Variants in EPN2 observed in about 807,000 individuals in gnomAD.
EPN2 encodes the protein epsin-2.
A neutral mutation model predicts 61.7 loss-of-function variants in EPN2; 34 were observed. That is an observed-to-expected ratio of 0.55 (90% CI 0.42 to 0.73). The LOEUF is 0.73. Among genes scored for constraint, EPN2 ranks in the 30% least tolerant of loss-of-function variants. The pLI, the probability that EPN2 is intolerant of heterozygous loss-of-function variation, is 0.00. For synonymous variants in EPN2, 349 were observed against 353.6 expected (o/e 0.99, Z 0.15); for missense variants, 714 against 839.2 (o/e 0.85, Z 1.84).
intron 1 of EPN2, among the ~76,000 whole-genome samples, chr17:19,240,197 G>A (rs1027872): frequency 0.034 from 5,107 of 152,180 alleles, 347 homozygotes; most frequent in South Asian, 0.19. Context: ...TTTATGACAT[G>A]TATACCTGGT....
At position 19,329,571 on chromosome 17, in the gene EPN2, G is replaced by A. The variant is rs1208419661; in HGVS notation, c.1335G>A (p.Glu445=). Residue 445 remains glutamate, a synonymous_variant, in exon 9 of 11, where the codon GAG becomes GAA. Transcript: ENST00000314728. ...TKPVSVSGSF[E]LFSNLNGTIK... ...TCTGTGTCCACCCAGGGTCCTTTGA[G>A]CTCTTCAGTAATCTGAATGGTACAA... 2 of 1,611,588 alleles carry A rather than the reference G, an allele frequency of 1.2e-6. No individual in the cohort carries two copies. The highest frequency in any genetic ancestry group is 1.7e-5 in the Admixed American group (1 of 59,838).
rs568241000 is a variant in EPN2 at position 19,333,915 on chromosome 17, C to T, written c.1628-41C>T. 8.0e-6 allele frequency: 12 copies of T among 1,495,482 alleles called. 1 individual carries two copies. Among genetic ancestry groups the T allele is most frequent in the African/African-American group, 5.6e-5 (4 of 71,848 alleles). The allele number at this position is 1,495,482 out of a possible 1,614,324, so 92.6% of individuals were successfully genotyped here. A position where few individuals can be genotyped will look rare whatever the true frequency, so the allele number is the denominator to read the frequency against. On this transcript the variant is annotated intron_variant, in intron 10 of 10. Coordinates refer to ENST00000314728, the MANE Select transcript of EPN2 (RefSeq NM_014964.5). ...TGACCTGGGAGCTCAGAAAGCCACA[C>T]CCTGACGGCTCAGCCTCTGCCCCTC...
chr17:19,250,156 C>A (rs930711453), intron 1 of EPN2, among the ~76,000 whole-genome samples: 2 of 151,618 alleles, frequency 1.3e-5, no homozygotes, highest in African/African-American at 2.4e-5. Context: ...TGCAGTGATG[C>A]CTATCTCGGC....
intron 7 of EPN2, among the ~76,000 whole-genome samples, chr17:19,320,535 C>G (rs1221862154): frequency 6.6e-6 from 1 of 152,180 alleles, no homozygotes; most frequent in Non-Finnish European, 1.5e-5. Context: ...TGAGTCATCT[C>G]AGTAGCTTCT....
chr17:19,297,075 C>G (rs1452215826), intron 4 of EPN2: 1 of 152,260 alleles, frequency 6.6e-6, no homozygotes, highest in African/African-American at 2.4e-5. Context: ...TAGTATTCCT[C>G]TGGGTGAAGA....
intron 7 of EPN2, among the ~76,000 whole-genome samples, chr17:19,318,566 A>AAAAAAAAAAAAAAAAAAAAAG (rs1187317882): frequency 6.7e-6 from 1 of 148,604 alleles, no homozygotes; most frequent in Non-Finnish European, 1.5e-5. Context: ...AAAAAAAAAA[A>AAAAAAAAAAAAAAAAAAAAAG]AGAGTAGGGG....
At position 19,285,894 on chromosome 17, in the gene EPN2, G is replaced by A; in HGVS notation, c.766+104G>A. 2 of 1,401,700 alleles carry A rather than the reference G, an allele frequency of 1.4e-6. No individual in the cohort carries two copies. The highest frequency in any genetic ancestry group is 2.8e-5 in the East Asian group (1 of 35,474). 86.8% of individuals were successfully genotyped at this position (1,401,700 alleles called of 1,614,324 possible). The stretch of plus-strand genomic sequence containing the variant: ...CCAACTCTCTCCCTGTCTCCTCTGG[G>A]CCTGGGGGTTTGGCCTCCAGCAGGC... On this transcript the variant is annotated intron_variant, in intron 4 of 10. Coordinates refer to ENST00000314728, the MANE Select transcript of EPN2 (RefSeq NM_014964.5). The surrounding 1 kb of genome is among the most constrained non-coding windows in gnomAD (Gnocchi z 4.5).
chr17:19,286,500 C>T lies in EPN2; in HGVS notation c.766+710C>T, dbSNP rs549565193. On this transcript the variant is annotated intron_variant, in intron 4 of 10. Coordinates refer to ENST00000314728, the MANE Select transcript of EPN2 (RefSeq NM_014964.5). ...AACTGAAAACAGATTTTCACTGTTT[C>T]CTACAAGAAAATGCTCTCAGTCTAC... 3.9e-5 allele frequency among the ~76,000 whole-genome samples: 6 copies of T among 152,280 alleles called. No homozygotes were observed. The East Asian group carries it at 1.2e-3, about 29-fold the overall frequency.
chr17:19,313,131 G>C lies in EPN2; in HGVS notation c.999G>C (p.Thr333=), dbSNP rs757858739. 1.2e-6 allele frequency: 2 copies of C among 1,613,808 alleles called. No homozygotes were observed. The highest frequency in any genetic ancestry group is 1.1e-5 in the South Asian group (1 of 91,076). ...KEHGSLPQQT[T]LLDLMDALPS... is the part of the protein sequence containing the mutation. The stretch of plus-strand genomic sequence containing the variant: ...ATGGCTCTCTCCCACAGCAGACTAC[G>C]CTGTTGGATTTAATGGATGCTCTCC... The change falls in exon 7 of 11, where the codon ACG becomes ACC. Residue 333 remains threonine (T), a synonymous_variant. Coordinates refer to ENST00000314728, the MANE Select transcript of EPN2 (RefSeq NM_014964.5).
intron 1 of EPN2, among the ~76,000 whole-genome samples, chr17:19,251,915 A>G (rs1186256058): frequency 6.6e-6 from 1 of 152,150 alleles, no homozygotes; most frequent in Admixed American, 6.6e-5. Flanking sequence ...CGTGAAATTC[A>G]TTTATGTTTT....
intron 3 of EPN2, among the ~76,000 whole-genome samples, chr17:19,284,212 G>C (rs1224064875): frequency 6.6e-6 from 1 of 152,214 alleles, no homozygotes; most frequent in African/African-American, 2.4e-5. Context: ...AACTTGTACA[G>C]GTTGCTAGTG....
chr17:19,252,372 T>G (rs779976258), intron 1 of EPN2, among the ~76,000 whole-genome samples: 13 of 152,140 alleles, frequency 8.5e-5, no homozygotes, highest in Non-Finnish European at 1.8e-4. Context: ...TAAAGATCTT[T>G]GGAAACTTAC....
chr17:19,275,231 T>C (rs566447057), intron 1 of EPN2, among the ~76,000 whole-genome samples: 9 of 152,344 alleles, frequency 5.9e-5, no homozygotes, highest in Non-Finnish European at 1.3e-4. Flanking sequence ...GGAGCGCCCA[T>C]GCTCTGTCCT....
At chr17:19,295,366 A>ACGCGCGCGCGCGCGCG (rs1555600589) in intron 4 of EPN2, among the ~76,000 whole-genome samples, 1 of 140,318 alleles carries the variant, frequency 7.1e-6, no homozygotes, top group Non-Finnish European at 1.5e-5. Context: ...ACACACACAC[A>ACGCGCGCGCGCGCGCG]CGCGCGTGCG....
At chr17:19,245,971 C>T (rs1247978757) in intron 1 of EPN2, among the ~76,000 whole-genome samples, 1 of 151,832 alleles carries the variant, frequency 6.6e-6, no homozygotes, top group African/African-American at 2.4e-5. Flanking sequence ...GGCCCTTCTT[C>T]ATCTCTTGAC....
chr17:19,323,913 C>T (rs1018905762), intron 7 of EPN2, among the ~76,000 whole-genome samples: 4 of 152,168 alleles, frequency 2.6e-5, no homozygotes, highest in Non-Finnish European at 4.4e-5. Context: ...AGAAGTTCTT[C>T]AGGCTGATAG....
Position 19,283,856 on chromosome 17 carries a change from C to G in EPN2, c.595+142C>G. ...AGTACCCAGCTTTTGGTGGCCCAGG[C>G]AAATTGTCCTTGGTCTGGATTGAGT... On this transcript the variant is annotated intron_variant, in intron 3 of 10. Transcript: ENST00000314728. This position sits in a 1 kb window ranked among gnomAD's most constrained non-coding sequence, Gnocchi z 7.0. The G allele has an allele frequency of 3.1e-6, 2 of 648,984 alleles. No individual in the cohort carries two copies. Among genetic ancestry groups the G allele is most frequent in the Non-Finnish European group, 5.2e-6 (2 of 382,940 alleles). The allele number at this position is 648,984 out of a possible 1,614,324, so 40.2% of individuals were successfully genotyped here.
Position 19,307,317 on chromosome 17 carries a change from C to CA in EPN2, c.767-2568_767-2567insA, listed in dbSNP as rs1048368858. Among the ~76,000 whole-genome samples the CA allele has an allele frequency of 6.8e-5, 10 of 148,102 alleles. No individual in the cohort carries two copies. In the South Asian group the frequency reaches 1.9e-3, roughly 29 times the overall value. On this transcript the variant is annotated intron_variant, in intron 4 of 10. Transcript: ENST00000314728. The stretch of plus-strand genomic sequence containing the variant: ...TTTATGTTTTTATAGCTGCAACTTT[C>CA]TTTTTTTTTTGGAGATGGAGTCTCG...
rs150561843 is a variant in EPN2, at chr17:19,329,638, A to G, written c.1402A>G (p.Lys468Glu). The stretch of plus-strand genomic sequence containing the variant: ...TGAATTTGACAACCTTCGGACTTCA[A>G]AAAAAACAGGTATGTACAGGTGATG... ...FSEFDNLRTS[K>E]KTAESVTSLP... Residue 468 changes from lysine to glutamate, a missense_variant, in exon 9 of 11, where the codon AAA becomes GAA. Lys to Glu is a moderately conservative substitution (Grantham distance 56, BLOSUM62 1). Transcript: ENST00000314728. 4.4e-6 allele frequency: 7 copies of G among 1,602,844 alleles called. No individual in the cohort carries two copies. Among genetic ancestry groups the G allele is most frequent in the Non-Finnish European group, 5.1e-6 (6 of 1,169,766 alleles).
Sources: allele counts gnomAD v4.1 joint callset (sites outside exome capture counted in the v4.1 genomes callset), GRCh38; gene constraint gnomAD v4.1.1; non-coding constraint Gnocchi (gnomAD v3.1); transcripts MANE v1.5; gene names NCBI Gene and HGNC (gene_info 2026-07-23, HGNC 2026-07-21).